The following NPHP3 variants were observed in gnomAD, a reference collection of about 807,000 sequenced individuals.
NPHP3 encodes nephrocystin-3.
In NPHP3, 123 loss-of-function variants were observed where a neutral mutation model predicts 171.9. The observed-to-expected ratio is 0.72, with a 90% CI of 0.62 to 0.83. The LOEUF is 0.83. NPHP3 is among the 40% of genes least tolerant of loss of function. The probability of loss-of-function intolerance (pLI) is 0.00; values close to 1 mark genes in which losing one functional copy is unlikely to be tolerated. For missense variants in NPHP3, 1,506 were observed against 1,591.9 expected (o/e 0.95, Z 0.92); for synonymous variants, 558 against 579.2 (o/e 0.96, Z 0.52).
chr3:132,686,022 C>T, intron 23 of NPHP3: 1 of 411,376 alleles, frequency 2.4e-6, no homozygotes, highest in South Asian at 2.1e-5. Flanking sequence ...GCACTCCAGC[C>T]TGGGCAACAG....
chr3:132,700,086 C>T, intron 11 of NPHP3, 25 bp from the exon 12 acceptor site: 1 of 1,613,430 alleles, frequency 6.2e-7, no homozygotes, highest in South Asian at 1.1e-5. Flanking sequence ...CACACACAAA[C>T]TGAAGTAGTT....
In NPHP3 at chr3:132,680,649, G is replaced by A. The variant is rs1939000609; in HGVS notation, c.*1261C>T. Reference sequence around the variant, plus strand: ...CTTTTATTTTAAAACAGTGAAGTGTGGCTATTACATATTTCACTTTTACAA... The same window carrying A: ...CTTTTATTTTAAAACAGTGAAGTGTAGCTATTACATATTTCACTTTTACAA... On this transcript the variant is annotated 3_prime_UTR_variant, in exon 27 of 27. Coordinates refer to ENST00000337331, the MANE Select transcript of NPHP3 (RefSeq NM_153240.5). The A allele has an allele frequency of 6.6e-6, 1 of 152,042 alleles. No homozygotes were observed. The highest frequency in any genetic ancestry group is 2.4e-5 in the African/African-American group (1 of 41,396). The allele number at this position is 152,042 out of a possible 1,614,324, so 9.4% of individuals were successfully genotyped here. A position where few individuals can be genotyped will look rare whatever the true frequency, so the allele number is the denominator to read the frequency against.
chr3:132,699,534 T>G lies in NPHP3; in HGVS notation c.1888-84A>C, dbSNP rs559715986. 9 of 916,782 alleles carry G rather than the reference T, an allele frequency of 9.8e-6. No homozygotes were observed. The African/African-American group carries it at 1.5e-4, about 15-fold the overall frequency. 56.8% of individuals were successfully genotyped at this position (916,782 alleles called of 1,614,324 possible). On this transcript the variant is annotated intron_variant, in intron 12 of 26. Coordinates refer to ENST00000337331, the MANE Select transcript of NPHP3 (RefSeq NM_153240.5). ...TAATAGCTCCCCAAATAAAATGAAA[T>G]TCTCATTAAGTTTATCTTATTAAGG...
intron 16 of NPHP3, chr3:132,693,033 A>G: frequency 1.9e-6 from 1 of 533,890 alleles, no homozygotes; most frequent in South Asian, 2.4e-5. Context: ...TAGCACACCA[A>G]AGATAACACT....
In NPHP3 at chr3:132,689,073, C is replaced by G; in HGVS notation, c.2883+1G>C. On this transcript the variant is annotated splice_donor_variant, in intron 20 of 26. Coordinates refer to ENST00000337331, the MANE Select transcript of NPHP3 (RefSeq NM_153240.5). LOFTEE classifies it high-confidence loss of function. ...GCTTGCCATTGATCTGCTGAGCTTACCTGACTGAGAAGGCCTAGATCCTTG... is the reference window on the plus strand; with the variant it reads ...GCTTGCCATTGATCTGCTGAGCTTAGCTGACTGAGAAGGCCTAGATCCTTG... 1 of 1,614,104 alleles carries G rather than the reference C, an allele frequency of 6.2e-7. No homozygotes were observed. The highest frequency in any genetic ancestry group is 8.5e-7 in the Non-Finnish European group (1 of 1,179,980).
chr3:132,714,803 A>T (rs896349045), intron 5 of NPHP3, among the ~76,000 whole-genome samples: 5 of 152,206 alleles, frequency 3.3e-5, no homozygotes, highest in Non-Finnish European at 7.3e-5. Context: ...TTTAAAACTA[A>T]CTAAAACGAG....
intron 8 of NPHP3, 148 bp downstream of exon 8, chr3:132,705,592 C>T (rs1939726678): frequency 1.7e-6 from 1 of 585,148 alleles, no homozygotes; most frequent in Non-Finnish European, 3.1e-6. Context: ...GAACATACCA[C>T]AGGATGGACT....
chr3:132,709,665 G>A (rs150806575), intron 6 of NPHP3, among the ~76,000 whole-genome samples: 174 of 152,200 alleles, frequency 1.1e-3, no homozygotes, highest in African/African-American at 4.0e-3. Context: ...AAGTTGTCTA[G>A]GGAAACAAAT....
In NPHP3 at chr3:132,710,875, T is replaced by C. The variant is rs145345641; in HGVS notation, c.1118+2251A>G. ...CAGTGCCTGTGCACCTCACTAAGCA[T>C]GACTTCCTGCCTACCTTCCCAGCCT... On this transcript the variant is annotated intron_variant, in intron 6 of 26. Transcript: ENST00000337331. 2.7e-4 allele frequency among the ~76,000 whole-genome samples: 41 copies of C among 152,156 alleles called. No individual in the cohort carries two copies. The East Asian group carries it at 7.8e-3, about 29-fold the overall frequency.
rs910477617 is a variant in NPHP3, at chr3:132,696,821, A to C, written c.2089-8T>G. 1 of 1,611,714 alleles carries C rather than the reference A, an allele frequency of 6.2e-7. No individual in the cohort carries two copies. The highest frequency in any genetic ancestry group is 8.5e-7 in the Non-Finnish European group (1 of 1,178,214). On this transcript the variant is annotated splice_region_variant and splice_polypyrimidine_tract_variant and intron_variant, in intron 14 of 26. Coordinates refer to ENST00000337331, the MANE Select transcript of NPHP3 (RefSeq NM_153240.5). Reference sequence around the variant, plus strand: ...TCGTTCTAGCTTCTTCTCCTGCACCAGTTTACCAAGAAAAACAAAACAGAA... The same window carrying C: ...TCGTTCTAGCTTCTTCTCCTGCACCCGTTTACCAAGAAAAACAAAACAGAA...
intron 23 of NPHP3, 132 bp downstream of exon 23, chr3:132,686,128 A>T: frequency 1.1e-6 from 1 of 879,408 alleles, no homozygotes; most frequent in South Asian, 1.4e-5. Flanking sequence ...CTCATTATAT[A>T]ACATCATACA....
intron 1 of NPHP3, among the ~76,000 whole-genome samples, chr3:132,720,771 T>C (rs1028192748): frequency 1.1e-4 from 16 of 152,154 alleles, no homozygotes; most frequent in Non-Finnish European, 1.8e-4. Flanking sequence ...TCACCCCGAC[T>C]GTAACGACTC....
At chr3:132,691,760 C>G (rs1939305588) in intron 17 of NPHP3, among the ~76,000 whole-genome samples, 1 of 152,180 alleles carries the variant, frequency 6.6e-6, no homozygotes, top group Non-Finnish European at 1.5e-5. Context: ...AGATTTACTT[C>G]TATGTGCTAA....
At chr3:132,714,177 T>C (rs1033816804) in intron 5 of NPHP3, among the ~76,000 whole-genome samples, 2 of 152,262 alleles carry the variant, frequency 1.3e-5, no homozygotes, top group African/African-American at 4.8e-5. Flanking sequence ...AATGTTCTAA[T>C]AAAACTTGAT....
rs746521044 is a variant in NPHP3, at chr3:132,690,551, A to C, written c.2670T>G (p.Phe890Leu). 3 of 1,613,678 alleles carry C rather than the reference A, an allele frequency of 1.9e-6. No individual in the cohort carries two copies. Among genetic ancestry groups the C allele is most frequent in the African/African-American group, 2.7e-5 (2 of 75,038 alleles). ...QKLHDCLLNL[F>L]VSQNLYKRGH... ...ACCTTTTATAAAGGTTTTGAGACAC[A>C]AAGAGATTAAGAAGGCAATCATGCA... Residue 890 changes from phenylalanine (F) to leucine (L), a missense_variant, in exon 19 of 27, where the codon TTT (phenylalanine) becomes TTG (leucine). Around this residue, in one of 3 missense-constraint regions of NPHP3, gnomAD observed 569 missense variants for 648.1 expected, o/e 0.88. Coordinates refer to ENST00000337331, the MANE Select transcript of NPHP3 (RefSeq NM_153240.5).
intron 6 of NPHP3, among the ~76,000 whole-genome samples, chr3:132,710,923 T>C (rs1939891742): frequency 6.6e-6 from 1 of 152,214 alleles, no homozygotes; most frequent in Non-Finnish European, 1.5e-5. Context: ...GTTGTTAGCA[T>C]AGCTTGCTCC....
At chr3:132,686,465 TA>T in intron 22 of NPHP3, 78 bp from the exon 23 acceptor site, 2 of 1,560,854 alleles carry the variant, frequency 1.3e-6, no homozygotes, top group East Asian at 2.3e-5. Flanking sequence ...ATGAGGGTCC[TA>T]AAAAATCTTC....
In NPHP3 at chr3:132,722,002, C is replaced by A; in HGVS notation, c.354G>T (p.Lys118Asn). The part of the protein sequence containing the change: ...ELLSMGRREA[K>N]LDTENKRLRA... ...GCAGCCGCTTGTTCTCCGTGTCCAG[C>A]TTGGCCTCGCGGCGGCCCATGGACA... The change falls in exon 1 of 27, where the codon AAG becomes AAT. Residue 118 changes from lysine to asparagine, a missense_variant. This residue lies in a region of NPHP3 where 930 missense variants were observed against 924.9 expected (regional missense o/e 1.01). Transcript: ENST00000337331. The A allele has an allele frequency of 6.2e-7, 1 of 1,613,236 alleles. No homozygotes were observed. The highest frequency in any genetic ancestry group is 1.1e-5 in the South Asian group (1 of 91,082).
intron 16 of NPHP3, among the ~76,000 whole-genome samples, chr3:132,694,287 A>G (rs375555777): frequency 5.9e-5 from 9 of 152,058 alleles, no homozygotes; most frequent in African/African-American, 1.9e-4. Flanking sequence ...CAATAAACAA[A>G]AAGATATCAA....
Sources: allele counts gnomAD v4.1 joint callset (sites outside exome capture counted in the v4.1 genomes callset), GRCh38; gene constraint gnomAD v4.1.1; regional missense constraint gnomAD v4.1.1; transcripts MANE v1.5; gene names NCBI Gene and HGNC (gene_info 2026-07-23, HGNC 2026-07-21).